Variants in CHD2 observed in about 807,000 individuals in gnomAD.
The protein encoded by CHD2 is ATP-dependent chromatin remodeler CHD2.
CHD2 carries 28 observed loss-of-function variants against 243.9 expected under a neutral mutation model. That is an observed-to-expected ratio of 0.11 (90% CI 0.09 to 0.16). The LOEUF is 0.16. CHD2 is among the 10% of genes least tolerant of loss of function. The probability of loss-of-function intolerance (pLI) is 1.00; values close to 1 mark genes in which losing one functional copy is unlikely to be tolerated. For synonymous variants in CHD2, 775 were observed against 779.0 expected (o/e 0.99, Z 0.09); for missense variants, 1,386 against 2,209.8 (o/e 0.63, Z 7.47).
intron 5 of CHD2, among the ~76,000 whole-genome samples, chr15:92,934,783 C>G (rs1481853576): frequency 6.6e-6 from 1 of 152,156 alleles, no homozygotes; most frequent in East Asian, 1.9e-4. Flanking sequence ...AAGAATCCAA[C>G]CAATTTCAAA....
At chr15:92,944,954 A>G (rs897438155) in intron 10 of CHD2, 4 of 152,482 alleles carry the variant, frequency 2.6e-5, no homozygotes, top group Non-Finnish European at 2.9e-5. Flanking sequence ...AGTATTTAGT[A>G]TTTAAAGGCC....
intron 5 of CHD2, among the ~76,000 whole-genome samples, chr15:92,929,921 C>CAA (rs768001982): frequency 7.0e-6 from 1 of 142,948 alleles, no homozygotes; most frequent in Non-Finnish European, 1.5e-5. Flanking sequence ...TCCTCATCTC[C>CAA]AAAAAAAAAA....
At chr15:92,955,273 C>A in intron 14 of CHD2, 150 bp from the exon 15 acceptor site, 1 of 504,292 alleles carries the variant, frequency 2.0e-6, no homozygotes, top group Non-Finnish European at 3.4e-6. Flanking sequence ...AGTTTGGTTG[C>A]TTAGGTCATT....
chr15:92,905,078 C>T, intron 2 of CHD2: 2 of 1,349,428 alleles, frequency 1.5e-6, no homozygotes, highest in Non-Finnish European at 2.0e-6. Flanking sequence ...TAGAAAATTT[C>T]ACGTTCAATA....
intron 2 of CHD2, among the ~76,000 whole-genome samples, chr15:92,921,821 C>T (rs534625804): frequency 2.6e-5 from 4 of 152,312 alleles, no homozygotes; most frequent in African/African-American, 9.6e-5. Flanking sequence ...AAAGATGACA[C>T]AGGCCTGAGG....
chr15:92,993,285 G>T (rs1292143702), intron 28 of CHD2: 1 of 316,820 alleles, frequency 3.2e-6, no homozygotes, highest in African/African-American at 2.1e-5. Flanking sequence ...AAAACCCAGG[G>T]GCAGAGCTTG....
At chr15:92,940,863 T>C (rs1440161121) in intron 7 of CHD2, among the ~76,000 whole-genome samples, 5 of 128,332 alleles carry the variant, frequency 3.9e-5, no homozygotes, top group Admixed American at 9.2e-5. Flanking sequence ...TATATAAATA[T>C]ATAAAAATAT....
At chr15:92,971,612 C>T (rs2053842826) in intron 17 of CHD2, among the ~76,000 whole-genome samples, 153 bp from the exon 18 acceptor site, 1 of 152,148 alleles carries the variant, frequency 6.6e-6, no homozygotes, top group Non-Finnish European at 1.5e-5. Flanking sequence ...GATTAGATGG[C>T]AGGAGATACA....
At position 92,999,906 on chromosome 15, in the gene CHD2, T is replaced by A. The variant is rs568897720; in HGVS notation, c.4009-606T>A. ...TGTATACAGAGTGATTTTCCTTTTT[T>A]AAAAAAAATTGTGTCTTTAGGATGG... On this transcript the variant is annotated intron_variant, in intron 31 of 38. Transcript: ENST00000394196. 2.0e-5 allele frequency among the ~76,000 whole-genome samples: 3 copies of A among 152,204 alleles called. No individual in the cohort carries two copies. In the East Asian group the frequency reaches 5.8e-4, roughly 29 times the overall value.
At chr15:93,024,185 CTTA>C (rs1418328792) in intron 38 of CHD2, among the ~76,000 whole-genome samples, 184 bp from the exon 39 acceptor site, 1 of 152,082 alleles carries the variant, frequency 6.6e-6, no homozygotes, top group Non-Finnish European at 1.5e-5. Flanking sequence ...ACACTTGAGC[CTTA>C]TTTCATAGGA....
At position 93,025,595 on chromosome 15, in the gene CHD2, C is replaced by T. The variant is rs112753914; in HGVS notation, c.*890C>T. The T allele has an allele frequency of 0.036, 5,520 of 152,580 alleles. 152 individuals carry two copies. Among genetic ancestry groups the T allele is most frequent in the Non-Finnish European group, 0.057 (3,864 of 68,046 alleles). The allele number at this position is 152,580 out of a possible 1,614,324, so 9.5% of individuals were successfully genotyped here. On this transcript the variant is annotated 3_prime_UTR_variant, in exon 39 of 39. Coordinates refer to ENST00000394196, the MANE Select transcript of CHD2 (RefSeq NM_001271.4). ...AGTAGTGTGGCCAGGGAACTGGAAT[C>T]CCTGGTGGATTTCTGATTCCTGTGG...
intron 24 of CHD2, among the ~76,000 whole-genome samples, chr15:92,984,016 A>G (rs1427257178): frequency 6.6e-5 from 10 of 152,192 alleles, no homozygotes; most frequent in Non-Finnish European, 1.3e-4. Flanking sequence ...TTTTATCATT[A>G]GTATTATATT....
At chr15:93,004,100 G>A (rs2054290657) in intron 33 of CHD2, among the ~76,000 whole-genome samples, 1 of 144,182 alleles carries the variant, frequency 6.9e-6, no homozygotes, top group African/African-American at 2.6e-5. Flanking sequence ...CTCCGGCCAG[G>A]ATGACAGAGC....
intron 14 of CHD2, 79 bp from the exon 15 acceptor site, chr15:92,955,344 A>G (rs1049595183): frequency 7.6e-6 from 6 of 789,748 alleles, no homozygotes; most frequent in Middle Eastern, 3.6e-4. Flanking sequence ...GCATGTTTCT[A>G]TTACATCAAT....
chr15:92,956,742 G>A, intron 16 of CHD2, 93 bp downstream of exon 16: 1 of 1,216,760 alleles, frequency 8.2e-7, no homozygotes, highest in Non-Finnish European at 1.1e-6. Flanking sequence ...GAAAACAGAT[G>A]GCATGGTTTG....
intron 38 of CHD2, 120 bp downstream of exon 38, chr15:93,020,378 G>C: frequency 2.4e-6 from 3 of 1,274,818 alleles, no homozygotes; most frequent in Non-Finnish European, 3.3e-6. Context: ...CATCATGCAT[G>C]TGTCAGCCAC....
chr15:92,904,772 T>TC lies in CHD2; in HGVS notation c.62+3474dup, dbSNP rs973799830. 106 of 1,402,170 alleles carry TC rather than the reference T, an allele frequency of 7.6e-5. No individual in the cohort carries two copies. The Middle Eastern group carries it at 9.3e-4, about 12-fold the overall frequency. The allele number at this position is 1,402,170 out of a possible 1,614,324, so 86.9% of individuals were successfully genotyped here. ...TCCCTTTTCATACCTTAGCGTCCCT[T>TC]CTCCCCGCCCCCGTTCAGTGTGAAG... On this transcript the variant is annotated intron_variant, in intron 2 of 38. Coordinates refer to ENST00000394196, the MANE Select transcript of CHD2 (RefSeq NM_001271.4).
At chr15:92,981,033 T>C (rs1328136292) in intron 23 of CHD2, 122 bp downstream of exon 23, 1 of 712,898 alleles carries the variant, frequency 1.4e-6, no homozygotes, top group Non-Finnish European at 2.4e-6. Flanking sequence ...TGAAGGACAG[T>C]GTGTTTTTCT....
At chr15:92,941,042 C>T (rs1405128259) in intron 7 of CHD2, among the ~76,000 whole-genome samples, 1 of 143,748 alleles carries the variant, frequency 7.0e-6, no homozygotes, top group Non-Finnish European at 1.5e-5. Flanking sequence ...TGCTGTGTTG[C>T]CCAGGCTAGA....
Sources: allele counts gnomAD v4.1 joint callset (sites outside exome capture counted in the v4.1 genomes callset), GRCh38; gene constraint gnomAD v4.1.1; transcripts MANE v1.5; gene names NCBI Gene and HGNC (gene_info 2026-07-23, HGNC 2026-07-21).